The following FHL2 variants were observed in gnomAD, a reference collection of about 807,000 sequenced individuals.
The protein encoded by FHL2 is four and a half LIM domains 2, also known as four and a half LIM domains protein 2.
Under a neutral mutation model 32.7 loss-of-function variants are expected in FHL2, and 20 were observed. The observed-to-expected ratio is 0.61, with a 90% confidence interval of 0.43 to 0.89. The LOEUF is 0.89. Among genes scored for constraint, FHL2 ranks in the 40% least tolerant of loss-of-function variants. FHL2 has a pLI of 0.00. For missense variants in FHL2, 311 were observed against 358.6 expected (o/e 0.87, Z 1.07); for synonymous variants, 123 against 128.1 (o/e 0.96, Z 0.27).
At chr2:105,361,742 A>G (rs1680279168) in intron 6 of FHL2, among the ~76,000 whole-genome samples, 1 of 152,166 alleles carries the variant, frequency 6.6e-6, no homozygotes, top group Non-Finnish European at 1.5e-5. Flanking sequence ...GAGAAGAGGG[A>G]GCAGATTTCT....
intron 1 of FHL2, among the ~76,000 whole-genome samples, chr2:105,397,968 G>C (rs1213115825): frequency 6.6e-6 from 1 of 151,314 alleles, no homozygotes; most frequent in African/African-American, 2.4e-5. Flanking sequence ...CTCATTAGTA[G>C]AGTCAGCACC....
At position 105,361,150 on chromosome 2, in the gene FHL2, A is replaced by G. The variant is rs1680223911; in HGVS notation, c.*133T>C. On this transcript the variant is annotated 3_prime_UTR_variant, in exon 7 of 7. Transcript: ENST00000530340. Reference sequence around the variant, plus strand: ...GCACTAAAGGGTTTAAGCAAACGTGAGTATCACTGAAAAGCACTAGAAGAA... The same window carrying G: ...GCACTAAAGGGTTTAAGCAAACGTGGGTATCACTGAAAAGCACTAGAAGAA... The G allele has an allele frequency of 9.1e-6, 8 of 882,784 alleles. No individual in the cohort carries two copies. The East Asian group carries it at 2.0e-4, about 22-fold the overall frequency. 54.7% of individuals were successfully genotyped at this position (882,784 alleles called of 1,614,324 possible). A position where few individuals can be genotyped will look rare whatever the true frequency, so the allele number is the denominator to read the frequency against.
intron 2 of FHL2, among the ~76,000 whole-genome samples, chr2:105,394,830 C>T (rs1683012410): frequency 6.6e-6 from 1 of 151,986 alleles, no homozygotes. Flanking sequence ...CTGGTAACTT[C>T]CAACTTAAAA....
intron 1 of FHL2, among the ~76,000 whole-genome samples, chr2:105,428,377 T>C (rs1376811918): frequency 6.6e-6 from 1 of 152,208 alleles, no homozygotes; most frequent in Non-Finnish European, 1.5e-5. Context: ...GCTTCTAGTT[T>C]CCCTGCAACC....
chr2:105,361,016 G>A lies in FHL2; in HGVS notation c.*267C>T, dbSNP rs1680212391. On this transcript the variant is annotated 3_prime_UTR_variant, in exon 7 of 7. Transcript: ENST00000530340. ...AGATTTATAAAGGCATCATTCAAAA[G>A]GATTTTTACATTTGGGTGTGCCTTA... 1 of 319,924 alleles carries A rather than the reference G, an allele frequency of 3.1e-6. No individual in the cohort carries two copies. Among genetic ancestry groups the A allele is most frequent in the Non-Finnish European group, 5.7e-6 (1 of 174,598 alleles). 19.8% of individuals were successfully genotyped at this position (319,924 alleles called of 1,614,324 possible).
intron 1 of FHL2, among the ~76,000 whole-genome samples, chr2:105,435,298 G>A (rs891369333): frequency 2.0e-5 from 3 of 152,090 alleles, no homozygotes; most frequent in African/African-American, 7.2e-5. Flanking sequence ...TATATGTAAT[G>A]TTTTCATATA....
At chr2:105,396,595 C>T in intron 2 of FHL2, 52 bp downstream of exon 2, 2 of 1,537,884 alleles carry the variant, frequency 1.3e-6, no homozygotes, top group East Asian at 2.2e-5. Flanking sequence ...ATCACAGTAG[C>T]TAAAACTGAA....
At chr2:105,386,313 T>C (rs1682306208) in intron 3 of FHL2, 48 bp downstream of exon 3, 3 of 1,592,078 alleles carry the variant, frequency 1.9e-6, no homozygotes, top group Admixed American at 1.7e-5. Flanking sequence ...GAGAAACCCG[T>C]GTTTCCTAGG....
intron 4 of FHL2, among the ~76,000 whole-genome samples, chr2:105,371,230 G>A (rs76434384): frequency 0.012 from 1,859 of 152,250 alleles, 48 homozygotes; most frequent in African/African-American, 0.043. Flanking sequence ...TTGCCGTGAA[G>A]GTGTTTTTTA....
chr2:105,371,546 ATCTCTCTC>A (rs10701119), intron 4 of FHL2, among the ~76,000 whole-genome samples: 10 of 140,970 alleles, frequency 7.1e-5, no homozygotes, highest in Non-Finnish European at 1.1e-4. Context: ...ATCCCTTGAA[ATCTCTCTC>A]TCTCTCTCTC....
At position 105,420,831 on chromosome 2, in the gene FHL2, C is replaced by T. The variant is rs1222054605; in HGVS notation, c.-25+17568G>A. On this transcript the variant is annotated intron_variant, in intron 1 of 5. Transcript: ENST00000393352. ...TCATGCTCCTGTAAGTATCTAACGCCTCCACTGATCTGACAGGAGGTGGAG... is the reference window on the plus strand; with the variant it reads ...TCATGCTCCTGTAAGTATCTAACGCTTCCACTGATCTGACAGGAGGTGGAG... Among the ~76,000 whole-genome samples, 67 of 152,284 alleles carry T rather than the reference C, an allele frequency of 4.4e-4. 1 individual carries two copies. Among genetic ancestry groups the T allele is most frequent in the Non-Finnish European group, 1.0e-4 (7 of 68,028 alleles).
At chr2:105,399,089 C>T (rs1006746394), upstream of FHL2, 3 of 1,485,750 alleles carry the variant, frequency 2.0e-6, no homozygotes, top group Non-Finnish European at 2.7e-6. Flanking sequence ...GAAACCCCGC[C>T]GTGTCATTTG....
chr2:105,392,663 GA>G (rs977581312), intron 2 of FHL2, among the ~76,000 whole-genome samples: 7 of 151,958 alleles, frequency 4.6e-5, no homozygotes, highest in African/African-American at 1.7e-4. Flanking sequence ...TATGAGTGGG[GA>G]AAGTATCAAA....
chr2:105,367,192 A>G (rs996729130), intron 5 of FHL2, among the ~76,000 whole-genome samples: 7 of 151,834 alleles, frequency 4.6e-5, no homozygotes, highest in Non-Finnish European at 1.0e-4. Context: ...TCTTCCTTCC[A>G]TCTTTCTCTC....
chr2:105,426,754 C>T (rs1684280480), intron 1 of FHL2, among the ~76,000 whole-genome samples: 1 of 152,248 alleles, frequency 6.6e-6, no homozygotes, highest in African/African-American at 2.4e-5. Context: ...CGCACAGCAA[C>T]ACCCAGCACT....
chr2:105,414,527 A>G (rs1247058752), intron 1 of FHL2, among the ~76,000 whole-genome samples: 1 of 151,958 alleles, frequency 6.6e-6, no homozygotes, highest in Non-Finnish European at 1.5e-5. Flanking sequence ...TTGTCACTCA[A>G]GAGATTTAAA....
chr2:105,395,596 C>T (rs543882777), intron 2 of FHL2, among the ~76,000 whole-genome samples: 2 of 152,184 alleles, frequency 1.3e-5, no homozygotes, highest in Admixed American at 6.5e-5. Flanking sequence ...GACTCTGTCC[C>T]GAGAGGCTTG....
rs4851768 is a variant in FHL2, at chr2:105,418,181, C to T, written c.-25+20218G>A. 3.0e-3 allele frequency among the ~76,000 whole-genome samples: 460 copies of T among 152,252 alleles called. 16 individuals carry two copies. The highest frequency in any genetic ancestry group is 0.029 in the Admixed American group (439 of 15,290). On this transcript the variant is annotated intron_variant, in intron 1 of 5. Coordinates refer to the FHL2 transcript ENST00000393352. ...AGTCTGTATAGCTAGTGTTTCATAT[C>T]TGTCCTTATTTTTGACTCTGCGAAT...
intron 1 of FHL2, among the ~76,000 whole-genome samples, chr2:105,426,769 C>A (rs1684281187): frequency 6.6e-6 from 1 of 152,240 alleles, no homozygotes; most frequent in African/African-American, 2.4e-5. Context: ...AGCACTCCCA[C>A]ACTTAGGCAC....
Sources: gnomAD v4.1 joint callset for allele counts (sites outside exome capture counted in the v4.1 genomes callset) on GRCh38, gnomAD v4.1.1 for gene constraint, MANE v1.5 for transcripts, NCBI Gene and HGNC (gene_info 2026-07-23, HGNC 2026-07-21) for gene names.